VPS13C: variants seen among roughly 807,000 people sequenced by gnomAD.
The protein encoded by VPS13C is vacuolar protein sorting 13 homolog C.
VPS13C carries 358 observed loss-of-function variants against 456.8 expected under a neutral mutation model. The observed-to-expected ratio is 0.78, with a 90% CI of 0.72 to 0.86. VPS13C has a LOEUF of 0.86. VPS13C is among the 40% of genes least tolerant of loss of function. The pLI is 0.00. For missense variants in VPS13C, 4,818 were observed against 4,385.4 expected, an observed-to-expected ratio of 1.10 and a Z score of -2.79; for synonymous variants, 1,578 against 1,486.7, an observed-to-expected ratio of 1.06 and a Z score of -1.41.
chr15:62,025,961 T>C lies in VPS13C; in HGVS notation c.449-2116A>G, dbSNP rs2047621811. ...AAATAGCTATATTTTTTAAACACAA[T>C]GTTGTGAGAAAAGTTGCATGGTTTT... is the stretch of plus-strand genomic sequence containing the variant. On this transcript the variant is annotated intron_variant, in intron 6 of 84. Coordinates refer to ENST00000644861, the MANE Select transcript of VPS13C (RefSeq NM_020821.3). Among the ~76,000 whole-genome samples, 3 of 151,504 alleles carry C rather than the reference T, an allele frequency of 2.0e-5. No individual in the cohort carries two copies. In the South Asian group the frequency reaches 6.3e-4, roughly 32 times the overall value.
rs1179503188 is a variant in VPS13C at position 61,912,000 on chromosome 15, C to T, written c.8555G>A (p.Gly2852Asp). The change falls in exon 63 of 85, where the codon GGT (glycine) becomes GAT (aspartate). Residue 2852 changes from glycine to aspartate, a missense_variant. Physicochemically the swap from Gly to Asp is moderately conservative, Grantham distance 94. Around this residue, in one of 3 missense-constraint regions of VPS13C, gnomAD observed 4,552 missense variants for 4,130.6 expected, o/e 1.10. Transcript: ENST00000644861. ...GAAACTGCTCATTTTGATGCTAACA[C>T]CAACCTGTGGAAAGGAAAAAAGCTT... is the stretch of plus-strand genomic sequence containing the variant. The part of the protein sequence containing the change: ...CPANNMEYLV[G>D]VSIKMSSFNL... The T allele has an allele frequency of 6.3e-7, 1 of 1,588,412 alleles. No homozygotes were observed. The highest frequency in any genetic ancestry group is 2.3e-5 in the East Asian group (1 of 44,248).
chr15:61,888,550 A>C (rs573352997), intron 67 of VPS13C, among the ~76,000 whole-genome samples: 31 of 152,338 alleles, frequency 2.0e-4, no homozygotes, highest in African/African-American at 7.5e-4. Context: ...AGCCATGAAA[A>C]GAAACAAAGG....
In VPS13C at chr15:62,033,592, A is replaced by C. The variant is rs780401961; in HGVS notation, c.284-50T>G. 1.8e-5 allele frequency: 24 copies of C among 1,343,218 alleles called. No homozygotes were observed. The African/African-American group carries it at 2.4e-4, about 13-fold the overall frequency. 83.2% of individuals were successfully genotyped at this position (1,343,218 alleles called of 1,614,324 possible). A position where few individuals can be genotyped will look rare whatever the true frequency, so the allele number is the denominator to read the frequency against. On this transcript the variant is annotated intron_variant, in intron 4 of 84. Transcript: ENST00000644861. ...CAAAAATAAATGGAATTAATAAATA[A>C]ACAAACGGAAAAAGTTCAGCCTCAT...
At chr15:62,017,361 A>G (rs2047293319) in intron 9 of VPS13C, among the ~76,000 whole-genome samples, 1 of 152,100 alleles carries the variant, frequency 6.6e-6, no homozygotes, top group Non-Finnish European at 1.5e-5. Flanking sequence ...GTCCTTGCCC[A>G]TGCCTATGTC....
intron 1 of VPS13C, among the ~76,000 whole-genome samples, chr15:62,047,277 A>G (rs762228877): frequency 2.6e-5 from 4 of 151,904 alleles, no homozygotes; most frequent in African/African-American, 4.8e-5. Context: ...AAAAATCAAA[A>G]ATTAGCCGGG....
intron 37 of VPS13C, among the ~76,000 whole-genome samples, chr15:61,957,059 C>T (rs903450150): frequency 6.6e-6 from 1 of 151,922 alleles, no homozygotes; most frequent in African/African-American, 2.4e-5. Flanking sequence ...CCTGAATGTC[C>T]ATCAAAGAAT....
intron 81 of VPS13C, chr15:61,865,570 GTA>G (rs1894488106): frequency 5.1e-6 from 4 of 780,658 alleles, no homozygotes; most frequent in Admixed American, 1.3e-4. Flanking sequence ...GTATGTTTGC[GTA>G]TATATGTGTG....
chr15:61,872,458 CTG>C (rs1895103979), intron 78 of VPS13C, among the ~76,000 whole-genome samples: 2 of 151,954 alleles, frequency 1.3e-5, no homozygotes, highest in African/African-American at 4.8e-5. Flanking sequence ...GTGTAGAAAA[CTG>C]AAAATAAAGG....
At chr15:61,885,049 G>GA (rs942911285) in intron 67 of VPS13C, among the ~76,000 whole-genome samples, 8 of 152,158 alleles carry the variant, frequency 5.3e-5, no homozygotes, top group African/African-American at 1.4e-4. Context: ...ACTGAGGTCA[G>GA]AAAAAATGTT....
At chr15:61,856,957 C>T (rs1045713538) in intron 82 of VPS13C, among the ~76,000 whole-genome samples, 3 of 152,000 alleles carry the variant, frequency 2.0e-5, no homozygotes, top group Non-Finnish European at 4.4e-5. Flanking sequence ...GATTTGAACA[C>T]TTTAATGCTA....
rs2045727164 is a variant in VPS13C, at chr15:61,977,157, A to G, written c.2333T>C (p.Met778Thr). The change falls in exon 24 of 85, where the codon ATG becomes ACG. Residue 778 changes from methionine (M) to threonine (T), a missense_variant. Around this residue, in one of 3 missense-constraint regions of VPS13C, gnomAD observed 4,552 missense variants for 4,130.6 expected, o/e 1.10. Coordinates refer to ENST00000644861, the MANE Select transcript of VPS13C (RefSeq NM_020821.3). ...AATATCCATGGGTTGCAATATATGC[A>G]TAGTTGATGGATGCTGAAATCGACA... ...KKCRFQHPST[M>T]HILQPMDIHV... 1 of 1,587,598 alleles carries G rather than the reference A, an allele frequency of 6.3e-7. No individual in the cohort carries two copies. Among genetic ancestry groups the G allele is most frequent in the African/African-American group, 1.4e-5 (1 of 73,664 alleles).
chr15:62,011,550 T>C (rs930207368), intron 12 of VPS13C, among the ~76,000 whole-genome samples: 1 of 151,756 alleles, frequency 6.6e-6, no homozygotes, highest in Non-Finnish European at 1.5e-5. Flanking sequence ...TAAAGGGGTA[T>C]ACTAATAAAA....
intron 38 of VPS13C, among the ~76,000 whole-genome samples, chr15:61,953,413 C>T (rs949397820): frequency 7.4e-6 from 1 of 135,182 alleles, no homozygotes; most frequent in Non-Finnish European, 1.6e-5. Flanking sequence ...TAACAGTCCC[C>T]AGAATGTGAT....
At chr15:61,894,848 A>C (rs2042759837) in intron 66 of VPS13C, among the ~76,000 whole-genome samples, 1 of 152,208 alleles carries the variant, frequency 6.6e-6, no homozygotes, top group Non-Finnish European at 1.5e-5. Flanking sequence ...AAAATCAAGA[A>C]AGAAACACTG....
rs767179966 is a variant in VPS13C at position 61,949,568 on chromosome 15, T to C, written c.4634A>G (p.Glu1545Gly). The change falls in exon 42 of 85, where the codon GAA becomes GGA. Residue 1545 changes from glutamate to glycine, a missense_variant. Glu to Gly is a moderately conservative substitution (Grantham distance 98). Coordinates refer to ENST00000644861, the MANE Select transcript of VPS13C (RefSeq NM_020821.3). ...FASLDLVLHL[E>G]ALLSFMDFLS... Reference sequence around the variant, plus strand: ...AAAATCCATGAAGGAAAGTAAAGCTTCCAAATGAAGTACTAAGTCTAAGGA... The same window carrying C: ...AAAATCCATGAAGGAAAGTAAAGCTCCCAAATGAAGTACTAAGTCTAAGGA... 2.3e-5 allele frequency: 37 copies of C among 1,611,362 alleles called. No individual in the cohort carries two copies. In the African/African-American group the frequency reaches 3.5e-4, roughly 15 times the overall value.
In VPS13C at chr15:61,922,033, C is replaced by A. The variant is rs764248311; in HGVS notation, c.6976G>T (p.Val2326Leu). The A allele has an allele frequency of 6.2e-7, 1 of 1,613,190 alleles. No individual in the cohort carries two copies. Among genetic ancestry groups the A allele is most frequent in the East Asian group, 2.2e-5 (1 of 44,832 alleles). ...MAAVADVTLQ[V>L]HYYNEIHAVW... ...GCATGGATCTCATTGTAATAGTGCACCTGGAAAGATACACACAAAATTATA... is the reference window on the plus strand; with the variant it reads ...GCATGGATCTCATTGTAATAGTGCAACTGGAAAGATACACACAAAATTATA... Residue 2326 changes from valine (V) to leucine (L), a missense_variant and splice_region_variant, in exon 55 of 85, where the codon GTG becomes TTG. Physicochemically the swap from Val to Leu is conservative, Grantham distance 32. Transcript: ENST00000644861.
chr15:61,960,797 C>G (rs945013244), intron 35 of VPS13C, among the ~76,000 whole-genome samples: 21 of 152,158 alleles, frequency 1.4e-4, no homozygotes, highest in African/African-American at 5.1e-4. Flanking sequence ...TTCTGGTGGC[C>G]TGGTGCGATG....
chr15:61,960,601 G>A (rs2045162688), intron 35 of VPS13C, among the ~76,000 whole-genome samples: 1 of 152,116 alleles, frequency 6.6e-6, no homozygotes, highest in Non-Finnish European at 1.5e-5. Flanking sequence ...AGTTAAAGAT[G>A]TCTATTCTCA....
At position 61,977,098 on chromosome 15, in the gene VPS13C, C is replaced by T. The variant is rs767121375; in HGVS notation, c.2392G>A (p.Asp798Asn). 4 of 1,599,074 alleles carry T rather than the reference C, an allele frequency of 2.5e-6. No individual in the cohort carries two copies. The Admixed American group carries it at 6.9e-5, about 28-fold the overall frequency. ...VELAKAMVEK[D>N]IRMARFKVSG... ...ATACATTACCTGGCCATTCTAATGTCTTTTTCTACCATGGCCTTAGCCAAC... is the reference window on the plus strand; with the variant it reads ...ATACATTACCTGGCCATTCTAATGTTTTTTTCTACCATGGCCTTAGCCAAC... The change falls in exon 24 of 85, where the codon GAC becomes AAC. Residue 798 changes from aspartate (D) to asparagine (N), a missense_variant. By Grantham distance (23) the Asp-to-Asn change is conservative. Around this residue, in one of 3 missense-constraint regions of VPS13C, gnomAD observed 4,552 missense variants for 4,130.6 expected, o/e 1.10. Coordinates refer to ENST00000644861, the MANE Select transcript of VPS13C (RefSeq NM_020821.3).
Sources: gnomAD v4.1 joint callset for allele counts (sites outside exome capture counted in the v4.1 genomes callset) on GRCh38, gnomAD v4.1.1 for gene constraint, gnomAD v4.1.1 regional missense constraint, MANE v1.5 for transcripts, NCBI Gene and HGNC (gene_info 2026-07-23, HGNC 2026-07-21) for gene names.